Variants in SCRN1 observed in about 807,000 individuals in gnomAD.
SCRN1 encodes the protein secernin-1.
In SCRN1, 19 loss-of-function variants were observed where a neutral mutation model predicts 43.3. The observed-to-expected ratio is 0.44, with a 90% CI of 0.31 to 0.64. The LOEUF is 0.64. Ranked by LOEUF, SCRN1 falls within the 30% of genes least tolerant of loss-of-function variation. SCRN1 has a pLI of 0.09. For synonymous variants in SCRN1, 183 were observed against 188.9 expected, an observed-to-expected ratio of 0.97 and a Z score of 0.26; for missense variants, 447 against 524.1, an observed-to-expected ratio of 0.85 and a Z score of 1.44.
chr7:29,941,254 C>T (rs1675286302), intron 4 of SCRN1, among the ~76,000 whole-genome samples: 1 of 152,184 alleles, frequency 6.6e-6, no homozygotes, highest in Non-Finnish European at 1.5e-5. Context: ...ACTTAGCAAT[C>T]CACAAGGGAG....
At chr7:29,948,310 G>T (rs1416692468) in intron 3 of SCRN1, among the ~76,000 whole-genome samples, 2 of 152,158 alleles carry the variant, frequency 1.3e-5, no homozygotes, top group Non-Finnish European at 2.9e-5. Context: ...TCACTCTCAA[G>T]GGGAGGAGAC....
rs78795416 is a variant in SCRN1, at chr7:29,948,034, T to C, written c.342-3855A>G. ...CCCCTAGGCTATGGTATGTTTGTTA[T>C]AGCAGCCCAAATGGACTAAGACGAG... On this transcript the variant is annotated intron_variant, in intron 3 of 7. Transcript: ENST00000242059. 2.2e-3 allele frequency among the ~76,000 whole-genome samples: 331 copies of C among 152,332 alleles called. 12 individuals are homozygous for C. In the East Asian group the frequency reaches 0.055, roughly 25 times the overall value.
chr7:29,959,576 TTTTTA>T (rs969854496), intron 2 of SCRN1, among the ~76,000 whole-genome samples: 1 of 152,138 alleles, frequency 6.6e-6, no homozygotes, highest in African/African-American at 2.4e-5. Flanking sequence ...TCCATGTTTG[TTTTTA>T]TTTTATTTTT....
At chr7:29,924,555 C>T (rs1318715893) in intron 7 of SCRN1, among the ~76,000 whole-genome samples, 1 of 152,198 alleles carries the variant, frequency 6.6e-6, no homozygotes, top group East Asian at 1.9e-4. Flanking sequence ...CTTGCAAAGC[C>T]TTTCCTCTTC....
chr7:29,926,698 C>G (rs1786973164), intron 6 of SCRN1, 66 bp from the exon 7 acceptor site: 1 of 1,471,828 alleles, frequency 6.8e-7, no homozygotes, highest in Non-Finnish European at 9.3e-7. Context: ...CAGAGACTGT[C>G]CTTTTATTCA....
rs10538004 is a variant in SCRN1, at chr7:29,982,682, CAAA to C, written c.-2+6957_-2+6959del. On this transcript the variant is annotated intron_variant, in intron 1 of 7. Coordinates refer to ENST00000242059, the MANE Select transcript of SCRN1 (RefSeq NM_014766.5). ...TGGACAACAGAGCGAGACCCTGTCT[CAAA>C]AAAAAAAAAAAAAAAAAAAAGAATG... is the stretch of plus-strand genomic sequence containing the variant. 5.9e-3 allele frequency among the ~76,000 whole-genome samples: 384 copies of C among 64,762 alleles called. 1 individual carries two copies. Among genetic ancestry groups the C allele is most frequent in the African/African-American group, 0.02 (343 of 17,490 alleles). 42.5% of individuals were successfully genotyped at this position (64,762 alleles called of 152,430 possible). A position where few individuals can be genotyped will look rare whatever the true frequency, so the allele number is the denominator to read the frequency against.
chr7:29,952,975 T>A (rs1788002273), intron 3 of SCRN1, among the ~76,000 whole-genome samples: 1 of 152,232 alleles, frequency 6.6e-6, no homozygotes. Flanking sequence ...TCTCACCCTG[T>A]CATCTACTCC....
chr7:29,963,252 G>A (rs1788385776), intron 2 of SCRN1, among the ~76,000 whole-genome samples: 1 of 152,038 alleles, frequency 6.6e-6, no homozygotes, highest in African/African-American at 2.4e-5. Flanking sequence ...ACGAACCTAG[G>A]ACCCCTCTCT....
chr7:29,966,533 A>T (rs1335835084), intron 2 of SCRN1, among the ~76,000 whole-genome samples: 1 of 152,242 alleles, frequency 6.6e-6, no homozygotes, highest in East Asian at 1.9e-4. Flanking sequence ...AGCAAACTTT[A>T]TCTACACAGA....
intron 3 of SCRN1, chr7:29,947,377 G>GA (rs1413315207): frequency 6.5e-7 from 1 of 1,534,518 alleles, no homozygotes; most frequent in Non-Finnish European, 8.8e-7. Flanking sequence ...CGTTTGTTTA[G>GA]AAACTCTGCT....
chr7:29,961,085 T>C (rs2128095562), intron 2 of SCRN1, among the ~76,000 whole-genome samples: 1 of 149,974 alleles, frequency 6.7e-6, no homozygotes, highest in Admixed American at 6.6e-5. Context: ...TAATTTATTT[T>C]TTTATTGATA....
chr7:29,989,989 G>T (rs1042819708), upstream of SCRN1: 1 of 1,429,070 alleles, frequency 7.0e-7, no homozygotes, highest in South Asian at 1.5e-5. Flanking sequence ...GGCCGAGAGG[G>T]CGTATCTCGC....
chr7:29,978,195 T>C (rs544276579), intron 1 of SCRN1, among the ~76,000 whole-genome samples: 1 of 152,336 alleles, frequency 6.6e-6, no homozygotes, highest in South Asian at 2.1e-4. Flanking sequence ...ACTGCAGATT[T>C]GGTTGGTTTG....
intron 3 of SCRN1, among the ~76,000 whole-genome samples, chr7:29,952,683 T>TA (rs34125711): frequency 5.1e-4 from 55 of 108,638 alleles, no homozygotes; most frequent in Middle Eastern, 4.3e-3. Context: ...AAGACTTGTC[T>TA]AAAAAAAAAA....
intron 3 of SCRN1, among the ~76,000 whole-genome samples, chr7:29,952,287 T>C (rs527877227): frequency 6.6e-6 from 1 of 152,224 alleles, no homozygotes; most frequent in African/African-American, 2.4e-5. Context: ...CAGCCATACT[T>C]TGAGAACCAC....
chr7:29,945,595 G>A (rs942022495), intron 3 of SCRN1, among the ~76,000 whole-genome samples: 3 of 152,212 alleles, frequency 2.0e-5, no homozygotes, highest in Non-Finnish European at 4.4e-5. Context: ...GACCAGGAAA[G>A]TGGTCAGTAA....
chr7:29,959,815 G>A (rs1788247962), intron 2 of SCRN1, among the ~76,000 whole-genome samples: 1 of 152,032 alleles, frequency 6.6e-6, no homozygotes, highest in Non-Finnish European at 1.5e-5. Context: ...GGACATTATG[G>A]AAGGAAGCCC....
At chr7:29,975,264 G>A (rs1181260304) in intron 1 of SCRN1, among the ~76,000 whole-genome samples, 4 of 152,210 alleles carry the variant, frequency 2.6e-5, no homozygotes, top group East Asian at 3.9e-4. Context: ...CTACTTAAAC[G>A]GGTGTTAAAA....
chr7:29,956,256 C>T (rs1421605222), intron 2 of SCRN1, among the ~76,000 whole-genome samples: 1 of 152,194 alleles, frequency 6.6e-6, no homozygotes, highest in Non-Finnish European at 1.5e-5. Flanking sequence ...CTCAGAGTCT[C>T]GCCCTCCTGT....
Sources: gnomAD v4.1 joint callset for allele counts (sites outside exome capture counted in the v4.1 genomes callset) on GRCh38, gnomAD v4.1.1 for gene constraint, MANE v1.5 for transcripts, NCBI Gene and HGNC (gene_info 2026-07-23, HGNC 2026-07-21) for gene names.